RALGAPA1: variants seen among roughly 807,000 people sequenced by gnomAD.
The protein encoded by RALGAPA1 is ral GTPase-activating protein subunit alpha-1.
A neutral mutation model predicts 269.6 loss-of-function variants in RALGAPA1; 52 were observed. That is an observed-to-expected ratio of 0.19 (90% CI 0.15 to 0.24). The LOEUF (loss-of-function observed/expected upper bound fraction) is 0.24. Among genes scored for constraint, RALGAPA1 ranks in the 10% least tolerant of loss-of-function variants. The pLI, the probability that RALGAPA1 is intolerant of heterozygous loss-of-function variation, is 1.00. For missense variants in RALGAPA1, 1,917 were observed against 3,013.9 expected (o/e 0.64, Z 8.52); for synonymous variants, 817 against 1,008.3 (o/e 0.81, Z 3.60).
At chr14:35,649,674 A>C (rs569036111) in intron 31 of RALGAPA1, among the ~76,000 whole-genome samples, 1 of 152,226 alleles carries the variant, frequency 6.6e-6, no homozygotes, top group African/African-American at 2.4e-5. Flanking sequence ...TAACTTTAAA[A>C]GAATTTTTCC....
intron 13 of RALGAPA1, among the ~76,000 whole-genome samples, chr14:35,726,050 T>G (rs1301900920): frequency 2.6e-5 from 4 of 152,114 alleles, no homozygotes; most frequent in Non-Finnish European, 5.9e-5. Context: ...TTCAGTTGGG[T>G]GTATCAGCCC....
intron 12 of RALGAPA1, among the ~76,000 whole-genome samples, chr14:35,732,586 G>A (rs571717111): frequency 5.0e-4 from 76 of 152,260 alleles, no homozygotes; most frequent in Middle Eastern, 3.4e-3. Flanking sequence ...CACCAAAAGC[G>A]AACAGGGGTA....
chr14:35,579,568 A>G (rs1276315392), intron 37 of RALGAPA1, among the ~76,000 whole-genome samples: 1 of 142,668 alleles, frequency 7.0e-6, no homozygotes, highest in Non-Finnish European at 1.5e-5. Flanking sequence ...AGATCGCGCC[A>G]TTGCACTCCA....
At chr14:35,549,008 T>C in intron 40 of RALGAPA1, 102 bp downstream of exon 40, 1 of 1,313,922 alleles carries the variant, frequency 7.6e-7, no homozygotes. Context: ...TAAAAATTCA[T>C]ATTTCAATGA....
intron 9 of RALGAPA1, among the ~76,000 whole-genome samples, chr14:35,749,209 T>C (rs920333228): frequency 3.3e-5 from 5 of 152,152 alleles, no homozygotes; most frequent in Non-Finnish European, 7.4e-5. Flanking sequence ...GTTTACCTAA[T>C]AAAAACTTAA....
chr14:35,626,218 C>A (rs998913213), intron 34 of RALGAPA1, among the ~76,000 whole-genome samples: 1 of 152,116 alleles, frequency 6.6e-6, no homozygotes, highest in Non-Finnish European at 1.5e-5. Flanking sequence ...AGAGGATATT[C>A]CCTTCTAATA....
At chr14:35,769,138 CAAT>C (rs2074428514) in intron 4 of RALGAPA1, among the ~76,000 whole-genome samples, 1 of 133,804 alleles carries the variant, frequency 7.5e-6, no homozygotes, top group Non-Finnish European at 1.6e-5. Flanking sequence ...TAAAGAAAAT[CAAT>C]GATATCAAAA....
intron 39 of RALGAPA1, among the ~76,000 whole-genome samples, chr14:35,562,253 T>C (rs1367802261): frequency 3.3e-5 from 5 of 152,162 alleles, no homozygotes; most frequent in Admixed American, 1.3e-4. Flanking sequence ...TAGACTCCCA[T>C]TGCTTCCCCC....
At chr14:35,757,185 G>A (rs1040307826) in intron 6 of RALGAPA1, among the ~76,000 whole-genome samples, 2 of 150,256 alleles carry the variant, frequency 1.3e-5, no homozygotes, top group Non-Finnish European at 3.0e-5. Context: ...TGAATGGCAC[G>A]ATCTCGGCTC....
At chr14:35,664,255 T>C (rs1291836115) in intron 27 of RALGAPA1, among the ~76,000 whole-genome samples, 2 of 152,214 alleles carry the variant, frequency 1.3e-5, no homozygotes, top group Non-Finnish European at 2.9e-5. Context: ...TCCATTACTA[T>C]GTTTGACTCA....
chr14:35,701,587 T>G (rs963999385), intron 16 of RALGAPA1, among the ~76,000 whole-genome samples: 5 of 152,220 alleles, frequency 3.3e-5, no homozygotes, highest in African/African-American at 1.2e-4. Context: ...TGGTCTCTTT[T>G]TCTTCCTGAT....
At chr14:35,656,039 A>G (rs1595000719) in intron 28 of RALGAPA1, 124 bp from the exon 29 acceptor site, 1 of 1,498,854 alleles carries the variant, frequency 6.7e-7, no homozygotes, top group South Asian at 1.3e-5. Flanking sequence ...TTGTTACTCT[A>G]TACATTAACT....
At chr14:35,748,945 C>T (rs1475262231) in intron 9 of RALGAPA1, 121 bp from the exon 10 acceptor site, 2 of 1,378,786 alleles carry the variant, frequency 1.5e-6, no homozygotes, top group African/African-American at 1.5e-5. Context: ...ATTTATACCA[C>T]TGCTTAAACT....
Position 35,549,094 on chromosome 14 carries a change from T to C in RALGAPA1, c.7621+16A>G. 1 of 1,610,420 alleles carries C rather than the reference T, an allele frequency of 6.2e-7. No homozygotes were observed. Among genetic ancestry groups the C allele is most frequent in the South Asian group, 1.1e-5 (1 of 90,872 alleles). On this transcript the variant is annotated intron_variant, in intron 40 of 41. Coordinates refer to ENST00000680220, the MANE Select transcript of RALGAPA1 (RefSeq NM_001346249.2). ...AGTTCCAATAACAAGTAACTAATACTCGCTTTTAATCTTACCGGCATCAGA... is the reference window on the plus strand; with the variant it reads ...AGTTCCAATAACAAGTAACTAATACCCGCTTTTAATCTTACCGGCATCAGA...
At chr14:35,554,371 G>A (rs1224593409) in intron 39 of RALGAPA1, among the ~76,000 whole-genome samples, 1 of 125,086 alleles carries the variant, frequency 8.0e-6, no homozygotes, top group Non-Finnish European at 1.7e-5. Flanking sequence ...TTTTGAGACG[G>A]AGTCTCACTC....
intron 5 of RALGAPA1, among the ~76,000 whole-genome samples, chr14:35,761,829 C>T (rs1487964193): frequency 1.3e-5 from 2 of 152,188 alleles, no homozygotes; most frequent in Non-Finnish European, 2.9e-5. Flanking sequence ...TATTCAACTG[C>T]TGTTACTTTC....
intron 4 of RALGAPA1, chr14:35,766,228 G>T: frequency 1.2e-6 from 1 of 809,568 alleles, no homozygotes; most frequent in South Asian, 1.4e-5. Context: ...GAAGTGCAAG[G>T]AATCTTAACC....
intron 16 of RALGAPA1, among the ~76,000 whole-genome samples, chr14:35,720,045 C>T (rs1479506703): frequency 6.6e-6 from 1 of 152,226 alleles, no homozygotes; most frequent in Non-Finnish European, 1.5e-5. Flanking sequence ...AGCCACCGCG[C>T]CCGGCCAACA....
intron 17 of RALGAPA1, among the ~76,000 whole-genome samples, chr14:35,699,024 C>T (rs1215466172): frequency 6.6e-6 from 1 of 152,002 alleles, no homozygotes; most frequent in African/African-American, 2.4e-5. Flanking sequence ...TTCAGGTTGC[C>T]TAATTTCACT....
Sources: allele counts gnomAD v4.1 joint callset (sites outside exome capture counted in the v4.1 genomes callset), GRCh38; gene constraint gnomAD v4.1.1; transcripts MANE v1.5; gene names NCBI Gene and HGNC (gene_info 2026-07-23, HGNC 2026-07-21).